AGBL3: variants seen among roughly 807,000 people sequenced by gnomAD.
The protein encoded by AGBL3 is AGBL carboxypeptidase 3.
Under a neutral mutation model 94.5 loss-of-function variants are expected in AGBL3, and 68 were observed. The observed-to-expected ratio is 0.72, with a 90% confidence interval of 0.59 to 0.88. The LOEUF (loss-of-function observed/expected upper bound fraction) is 0.88, where lower values mean the gene tolerates loss of function less well. AGBL3 is among the 40% of genes least tolerant of loss of function. The pLI is 0.00. For synonymous variants in AGBL3, 354 were observed against 370.7 expected (o/e 0.95, Z 0.52); for missense variants, 934 against 1,103.8 (o/e 0.85, Z 2.18).
At chr7:135,073,586 G>A (rs1229293030) in intron 12 of AGBL3, among the ~76,000 whole-genome samples, 3 of 152,164 alleles carry the variant, frequency 2.0e-5, no homozygotes, top group African/African-American at 7.2e-5. Context: ...AAAGAAGGAA[G>A]GGGTTTATTC....
intron 15 of AGBL3, among the ~76,000 whole-genome samples, chr7:135,101,491 T>C (rs1468528342): frequency 1.3e-5 from 2 of 152,104 alleles, no homozygotes; most frequent in African/African-American, 4.8e-5. Flanking sequence ...CAGTTTAATA[T>C]AGCCTTAAAA....
At chr7:135,098,587 G>A (rs1823279767) in intron 15 of AGBL3, among the ~76,000 whole-genome samples, 1 of 152,176 alleles carries the variant, frequency 6.6e-6, no homozygotes, top group Non-Finnish European at 1.5e-5. Context: ...CTAACTTGAT[G>A]TCATTGCATT....
chr7:135,070,889 G>A (rs1019264078), intron 12 of AGBL3, among the ~76,000 whole-genome samples: 21 of 152,040 alleles, frequency 1.4e-4, no homozygotes, highest in Non-Finnish European at 3.1e-4. Context: ...AATCAGGCAG[G>A]AGAAAGAAAT....
chr7:135,032,552 G>A (rs1441523473), intron 5 of AGBL3, among the ~76,000 whole-genome samples: 1 of 150,816 alleles, frequency 6.6e-6, no homozygotes, highest in Non-Finnish European at 1.5e-5. Flanking sequence ...CCTCGAGCTC[G>A]GGCAATCTGC....
chr7:135,060,255 CTTCAA>C (rs775330804), intron 12 of AGBL3, among the ~76,000 whole-genome samples: 46 of 151,280 alleles, frequency 3.0e-4, no homozygotes, highest in African/African-American at 8.9e-4. Flanking sequence ...TGTCATCATT[CTTCAA>C]TTCATTTATT....
intron 15 of AGBL3, among the ~76,000 whole-genome samples, chr7:135,083,209 A>G (rs1318756022): frequency 6.6e-6 from 1 of 152,038 alleles, no homozygotes; most frequent in East Asian, 1.9e-4. Context: ...GGAGTTCTGT[A>G]GTTTTCTAGT....
At chr7:135,042,949 A>G (rs1271735585) in intron 8 of AGBL3, among the ~76,000 whole-genome samples, 1 of 152,144 alleles carries the variant, frequency 6.6e-6, no homozygotes, top group Non-Finnish European at 1.5e-5. Context: ...ATGAAACACA[A>G]AAAGTCAATT....
intron 15 of AGBL3, among the ~76,000 whole-genome samples, chr7:135,108,378 A>C (rs1477988872): frequency 1.3e-5 from 2 of 152,048 alleles, no homozygotes; most frequent in African/African-American, 4.8e-5. Flanking sequence ...GCTCCTTTCA[A>C]GATCTCTTAT....
At chr7:135,005,765 A>G (rs4351364) in intron 4 of AGBL3, among the ~76,000 whole-genome samples, 141,331 of 151,870 alleles carry the variant, frequency 0.93, 66,547 homozygotes, top group Non-Finnish European at 1. Context: ...GAGAATAGAG[A>G]ACTCAGAAGT....
At chr7:135,096,359 GAGAC>G (rs1056809860) in intron 15 of AGBL3, among the ~76,000 whole-genome samples, 3 of 150,366 alleles carry the variant, frequency 2.0e-5, no homozygotes, top group African/African-American at 4.9e-5. Flanking sequence ...AAGAAAGAGA[GAGAC>G]AGACAGACAG....
chr7:135,038,324 G>T (rs147922797), intron 8 of AGBL3, among the ~76,000 whole-genome samples: 1 of 152,174 alleles, frequency 6.6e-6, no homozygotes, highest in Non-Finnish European at 1.5e-5. Flanking sequence ...GAAAGAACAG[G>T]TTTGTTCGCC....
At chr7:135,096,558 A>AAGATAGATAGATAGATAGAT (rs1167936702) in intron 15 of AGBL3, among the ~76,000 whole-genome samples, 16,278 of 78,538 alleles carry the variant, frequency 0.21, 1,750 homozygotes, top group East Asian at 0.3. Flanking sequence ...GAAAGAAAGA[A>AAGATAGATAGATAGATAGAT]AGATAGATAG....
At chr7:135,105,423 A>G (rs1328822751) in intron 15 of AGBL3, among the ~76,000 whole-genome samples, 1 of 152,206 alleles carries the variant, frequency 6.6e-6, no homozygotes, top group African/African-American at 2.4e-5. Context: ...GGTGTAAGGT[A>G]GGGGTGCAGT....
intron 14 of AGBL3, among the ~76,000 whole-genome samples, chr7:135,080,744 G>T (rs868676878): frequency 1.5e-4 from 20 of 136,930 alleles, no homozygotes; most frequent in South Asian, 9.1e-4. Context: ...TAGCATCTCT[G>T]TTTTTTTTTT....
rs543820866 is a variant in AGBL3 at position 135,109,166 on chromosome 7, T to G, written c.2111-6214T>G. Among the ~76,000 whole-genome samples the G allele has an allele frequency of 1.2e-4, 18 of 152,350 alleles. 1 individual carries two copies. The highest frequency in any genetic ancestry group is 3.9e-4 in the Admixed American group (6 of 15,300). The stretch of plus-strand genomic sequence containing the variant: ...TTTTGATGATCTTTCCTATCCATAT[T>G]CTGAATTCTATTTCTGTCATTTCAA... On this transcript the variant is annotated intron_variant, in intron 15 of 16. Coordinates refer to ENST00000436302, the MANE Select transcript of AGBL3 (RefSeq NM_178563.4).
At chr7:135,077,595 T>A (rs1333025869) in intron 13 of AGBL3, among the ~76,000 whole-genome samples, 1 of 152,062 alleles carries the variant, frequency 6.6e-6, no homozygotes, top group African/African-American at 2.4e-5. Flanking sequence ...TAAAAAAAAA[T>A]TCTGGAGGAC....
chr7:135,038,482 T>C (rs1328770712), intron 8 of AGBL3, among the ~76,000 whole-genome samples: 2 of 152,240 alleles, frequency 1.3e-5, no homozygotes, highest in Non-Finnish European at 2.9e-5. Context: ...TATTTTGATG[T>C]TTGTCTATTG....
chr7:135,107,085 T>G (rs1286539673), intron 15 of AGBL3, among the ~76,000 whole-genome samples: 1 of 152,162 alleles, frequency 6.6e-6, no homozygotes, highest in Non-Finnish European at 1.5e-5. Context: ...TTGTGATTCT[T>G]TGGATCTTCT....
At chr7:135,043,038 A>G (rs1817017015) in intron 8 of AGBL3, among the ~76,000 whole-genome samples, 1 of 152,206 alleles carries the variant, frequency 6.6e-6, no homozygotes, top group Non-Finnish European at 1.5e-5. Context: ...ATAATTTCAA[A>G]TGGTCTTTCA....
Sources: gnomAD v4.1 joint callset for allele counts (sites outside exome capture counted in the v4.1 genomes callset) on GRCh38, gnomAD v4.1.1 for gene constraint, MANE v1.5 for transcripts, NCBI Gene and HGNC (gene_info 2026-07-23, HGNC 2026-07-21) for gene names.